The following TENM2 variants were observed in gnomAD, a reference collection of about 807,000 sequenced individuals.
The protein encoded by TENM2 is teneurin transmembrane protein 2.
TENM2 carries 52 observed loss-of-function variants against 245.2 expected under a neutral mutation model. The observed-to-expected ratio is 0.21, with a 90% confidence interval of 0.17 to 0.27. TENM2 has a LOEUF of 0.27. Ranked by LOEUF, TENM2 falls within the 10% of genes least tolerant of loss-of-function variation. TENM2 has a pLI of 1.00. For missense variants in TENM2, 3,046 were observed against 3,666.8 expected (o/e 0.83, Z 4.37); for synonymous variants, 1,363 against 1,438.9 (o/e 0.95, Z 1.19).
intron 4 of TENM2, among the ~76,000 whole-genome samples, chr5:167,974,441 A>T (rs1205163340): frequency 7.1e-6 from 1 of 140,896 alleles, no homozygotes; most frequent in African/African-American, 2.6e-5. Context: ...TGGAGGAAGG[A>T]GGGAAGAAAG....
At chr5:167,672,341 A>T (rs1451535355) in intron 2 of TENM2, among the ~76,000 whole-genome samples, 1 of 152,086 alleles carries the variant, frequency 6.6e-6, no homozygotes. Flanking sequence ...TACCTTTAAT[A>T]AAAAAGATAG....
chr5:167,083,336 C>T, the TENM2 span, among the ~76,000 whole-genome samples: 1 of 152,114 alleles, frequency 6.6e-6, no homozygotes, highest in African/African-American at 2.4e-5. Context: ...GGAAGACAAC[C>T]ACCATATCTG....
At chr5:167,889,762 C>T (rs562950088) in intron 3 of TENM2, among the ~76,000 whole-genome samples, 60 of 152,248 alleles carry the variant, frequency 3.9e-4, no homozygotes, top group African/African-American at 1.3e-3. Context: ...TAGGCTGGGA[C>T]ACCACCTGTT....
chr5:168,146,853 C>T (rs182212653), intron 12 of TENM2, among the ~76,000 whole-genome samples: 2 of 152,328 alleles, frequency 1.3e-5, no homozygotes, highest in East Asian at 1.9e-4. Context: ...TTAATCATTG[C>T]ACTTTGCCCC....
intron 2 of TENM2, among the ~76,000 whole-genome samples, chr5:167,406,798 T>C (rs1322951722): frequency 6.6e-6 from 1 of 152,148 alleles, no homozygotes; most frequent in Admixed American, 6.6e-5. Context: ...TATTTCTGTA[T>C]GTTTGGAAAT....
At chr5:167,691,709 G>A (rs150096968) in intron 2 of TENM2, among the ~76,000 whole-genome samples, 1 of 152,220 alleles carries the variant, frequency 6.6e-6, no homozygotes, top group East Asian at 1.9e-4. Context: ...AACTCTCCCT[G>A]ACTTCAGGGA....
chr5:167,413,880 A>T (rs571358754), intron 2 of TENM2, among the ~76,000 whole-genome samples: 2 of 152,182 alleles, frequency 1.3e-5, no homozygotes, highest in Non-Finnish European at 2.9e-5. Flanking sequence ...CAGTACATTG[A>T]TTTAAGCATA....
At position 168,020,942 on chromosome 5, in the gene TENM2, G is replaced by T. The variant is rs540145322; in HGVS notation, c.1187-26485G>T. ...CAAAAAAGCTCTATTAAATAGATGT[G>T]CCAAGGAACGAGGAAAAAAAAGAAA... is the stretch of plus-strand genomic sequence containing the variant. On this transcript the variant is annotated intron_variant, in intron 5 of 28. Coordinates refer to ENST00000518659, the Ensembl canonical transcript of TENM2. Among the ~76,000 whole-genome samples the T allele has an allele frequency of 7.9e-5, 12 of 152,260 alleles. No individual in the cohort carries two copies. In the South Asian group the frequency reaches 2.5e-3, roughly 32 times the overall value.
chr5:167,376,277 G>A (rs1324857298), intron 2 of TENM2, among the ~76,000 whole-genome samples: 1 of 152,114 alleles, frequency 6.6e-6, no homozygotes, highest in African/African-American at 2.4e-5. Context: ...ATTGCATTAG[G>A]TTACAGCTGA....
rs565415367 is a variant in TENM2 at position 167,608,537 on chromosome 5, G to A, written c.502+233064G>A. Among the ~76,000 whole-genome samples, 10 of 152,258 alleles carry A rather than the reference G, an allele frequency of 6.6e-5. No homozygotes were observed. In the East Asian group the frequency reaches 1.2e-3, roughly 18 times the overall value. The stretch of plus-strand genomic sequence containing the variant: ...GCTATCACAGCACGTTTGACAAATC[G>A]TTCACATTAAATCGGGGGGCACTTT... On this transcript the variant is annotated intron_variant, in intron 2 of 28. Coordinates refer to ENST00000518659, the Ensembl canonical transcript of TENM2.
intron 1 of TENM2, among the ~76,000 whole-genome samples, chr5:167,345,444 A>G (rs965366313): frequency 2.6e-5 from 4 of 152,214 alleles, no homozygotes; most frequent in Non-Finnish European, 5.9e-5. Context: ...GGGGAACATG[A>G]ACAGACAGAG....
chr5:167,916,629 G>A (rs182572482), intron 3 of TENM2, among the ~76,000 whole-genome samples: 4 of 152,072 alleles, frequency 2.6e-5, no homozygotes, highest in African/African-American at 7.2e-5. Context: ...AGCCTTTGCC[G>A]AGAAGCGCAT....
At chr5:168,163,975 A>G (rs1312175123) in intron 13 of TENM2, among the ~76,000 whole-genome samples, 1 of 152,126 alleles carries the variant, frequency 6.6e-6, no homozygotes, top group Non-Finnish European at 1.5e-5. Context: ...TTAGACTCCC[A>G]GTAAAACTTG....
chr5:166,979,184 A>G, the TENM2 span, among the ~76,000 whole-genome samples: 1 of 126,056 alleles, frequency 7.9e-6, no homozygotes, highest in South Asian at 2.3e-4. Flanking sequence ...TAGCAGCAGC[A>G]GCACCACCAC....
intron 1 of TENM2, among the ~76,000 whole-genome samples, chr5:167,317,686 G>A (rs1756455653): frequency 6.6e-6 from 1 of 152,162 alleles, no homozygotes; most frequent in Non-Finnish European, 1.5e-5. Context: ...ACTTGGAGCA[G>A]AAGCTGAAAC....
intron 2 of TENM2, among the ~76,000 whole-genome samples, chr5:167,611,536 A>G (rs568370587): frequency 6.6e-6 from 1 of 152,288 alleles, no homozygotes; most frequent in South Asian, 2.1e-4. Flanking sequence ...GCAGGAAGGG[A>G]GAGTTTTTCA....
At chr5:167,662,263 G>A (rs754800241) in intron 2 of TENM2, among the ~76,000 whole-genome samples, 1 of 152,156 alleles carries the variant, frequency 6.6e-6, no homozygotes, top group Non-Finnish European at 1.5e-5. Flanking sequence ...TTGGGGTGGA[G>A]AGAGACTCAG....
At chr5:167,848,529 G>A (rs1253309495) in intron 2 of TENM2, among the ~76,000 whole-genome samples, 1 of 152,118 alleles carries the variant, frequency 6.6e-6, no homozygotes, top group East Asian at 1.9e-4. Context: ...AGGCCAGTGG[G>A]CTGCCACAGG....
At chr5:167,603,231 T>C (rs1159291399) in intron 2 of TENM2, among the ~76,000 whole-genome samples, 1 of 152,162 alleles carries the variant, frequency 6.6e-6, no homozygotes, top group East Asian at 1.9e-4. Context: ...CCATTAGATA[T>C]GGTGAGATTT....
Sources: allele counts gnomAD v4.1 joint callset (sites outside exome capture counted in the v4.1 genomes callset), GRCh38; gene constraint gnomAD v4.1.1; transcripts MANE v1.5; gene names NCBI Gene and HGNC (gene_info 2026-07-23, HGNC 2026-07-21).